The following AOPEP variants were observed in gnomAD, a reference collection of about 807,000 sequenced individuals.
AOPEP encodes the protein aminopeptidase O (putative).
A neutral mutation model predicts 98.1 loss-of-function variants in AOPEP; 77 were observed. The observed-to-expected ratio is 0.78, with a 90% CI of 0.65 to 0.95. The LOEUF (loss-of-function observed/expected upper bound fraction) is 0.95, where lower values mean the gene tolerates loss of function less well. AOPEP is among the 40% of genes least tolerant of loss of function. The pLI, the probability that AOPEP is intolerant of heterozygous loss-of-function variation, is 0.00. For synonymous variants in AOPEP, 346 were observed against 365.3 expected (o/e 0.95, Z 0.60); for missense variants, 1,024 against 1,024.7 (o/e 1.00, Z 0.01).
chr9:94,951,520 G>C (rs1299055259), intron 7 of AOPEP, among the ~76,000 whole-genome samples: 1 of 152,220 alleles, frequency 6.6e-6, no homozygotes, highest in African/African-American at 2.4e-5. Context: ...TATGAGGGAA[G>C]AGGGTGTGAT....
At chr9:95,093,946 G>A in the AOPEP span, among the ~76,000 whole-genome samples, 6 of 152,220 alleles carry the variant, frequency 3.9e-5, no homozygotes, top group Admixed American at 2.0e-4. Context: ...AGCTGACTTT[G>A]TTGGGTCAGT....
At chr9:94,745,666 G>A (rs1444302759) in intron 1 of AOPEP, among the ~76,000 whole-genome samples, 1 of 152,064 alleles carries the variant, frequency 6.6e-6, no homozygotes, top group Non-Finnish European at 1.5e-5. Flanking sequence ...AATGTTCTCC[G>A]TTTCCATCCA....
At chr9:95,104,267 A>G in the AOPEP span, among the ~76,000 whole-genome samples, 1 of 152,232 alleles carries the variant, frequency 6.6e-6, no homozygotes, top group Non-Finnish European at 1.5e-5. Flanking sequence ...AAAACATCCG[A>G]AAGGACAGCC....
chr9:94,906,455 A>AAAT (rs5741511), intron 5 of AOPEP, among the ~76,000 whole-genome samples: 1,572 of 114,298 alleles, frequency 0.014, 35 homozygotes, highest in African/African-American at 0.039. Context: ...ACCCTGTCTG[A>AAAT]AATAATAATA....
chr9:94,911,913 A>T (rs1322704591), intron 5 of AOPEP, among the ~76,000 whole-genome samples: 2 of 152,136 alleles, frequency 1.3e-5, no homozygotes, highest in Non-Finnish European at 2.9e-5. Flanking sequence ...AGCTTGTTGG[A>T]TACAAACTGT....
chr9:94,996,997 G>C (rs2061287207), intron 11 of AOPEP, among the ~76,000 whole-genome samples: 1 of 152,152 alleles, frequency 6.6e-6, no homozygotes, highest in African/African-American at 2.4e-5. Flanking sequence ...GCAGCCCTCA[G>C]CATAATTAGA....
chr9:94,781,149 G>A (rs1375868309), intron 3 of AOPEP, among the ~76,000 whole-genome samples: 2 of 151,736 alleles, frequency 1.3e-5, no homozygotes, highest in Non-Finnish European at 2.9e-5. Context: ...AACTTGCTTG[G>A]CTCTTTTATT....
At chr9:94,890,624 A>G (rs529123280) in intron 5 of AOPEP, among the ~76,000 whole-genome samples, 1 of 152,192 alleles carries the variant, frequency 6.6e-6, no homozygotes, top group South Asian at 2.1e-4. Context: ...CAGCAGTTCT[A>G]TACATTCGCT....
At chr9:94,964,635 C>CTTTTT (rs1240777817) in intron 9 of AOPEP, among the ~76,000 whole-genome samples, 3 of 122,614 alleles carry the variant, frequency 2.4e-5, no homozygotes, top group Non-Finnish European at 3.4e-5. Context: ...AGTACTTGGA[C>CTTTTT]TTTTTTTTTT....
chr9:94,777,824 A>G (rs1384432037), intron 3 of AOPEP, among the ~76,000 whole-genome samples: 3 of 151,760 alleles, frequency 2.0e-5, no homozygotes, highest in Admixed American at 1.3e-4. Flanking sequence ...GGGTTTCACC[A>G]TGTTTACCAG....
intron 2 of AOPEP, among the ~76,000 whole-genome samples, chr9:94,772,060 A>C (rs1035210321): frequency 2.0e-5 from 3 of 152,246 alleles, no homozygotes; most frequent in Non-Finnish European, 2.9e-5. Flanking sequence ...GATGTTAATG[A>C]AAAAAGAAAA....
At chr9:95,086,176 G>T (rs1192382920) in intron 16 of AOPEP, 1 of 1,322,490 alleles carries the variant, frequency 7.6e-7, no homozygotes, top group East Asian at 5.1e-5. Flanking sequence ...ACAGGCCCGC[G>T]TCCACCCTGC....
At chr9:95,072,870 G>C (rs2068650850) in intron 14 of AOPEP, among the ~76,000 whole-genome samples, 1 of 152,214 alleles carries the variant, frequency 6.6e-6, no homozygotes, top group South Asian at 2.1e-4. Context: ...AGCATTGCAG[G>C]AAGTCAGAAG....
chr9:94,739,059 A>G (rs1832460566), intron 1 of AOPEP, among the ~76,000 whole-genome samples: 1 of 152,178 alleles, frequency 6.6e-6, no homozygotes, highest in African/African-American at 2.4e-5. Flanking sequence ...CTCATGACCA[A>G]AACTACGTCT....
intron 5 of AOPEP, among the ~76,000 whole-genome samples, chr9:94,846,002 G>A (rs1197627537): frequency 6.6e-6 from 1 of 151,994 alleles, no homozygotes; most frequent in Non-Finnish European, 1.5e-5. Flanking sequence ...GGCTGAAGCA[G>A]GAGAATCACA....
chr9:95,086,708 TC>T lies in AOPEP; in HGVS notation c.*32del, dbSNP rs1331195366. 9.1e-6 allele frequency: 9 copies of T among 988,168 alleles called. No homozygotes were observed. The highest frequency in any genetic ancestry group is 1.1e-5 in the Non-Finnish European group (9 of 830,492). 61.2% of individuals were successfully genotyped at this position (988,168 alleles called of 1,614,324 possible). On this transcript the variant is annotated 3_prime_UTR_variant, in exon 17 of 17. Coordinates refer to ENST00000375315, the MANE Select transcript of AOPEP (RefSeq NM_001193329.3). Reference sequence around the variant, plus strand: ...AAAGACCACAGCAAGATTCTTTCATTCGTCTCCTCCTAGCCTGGGGGACCAG... The same window carrying T: ...AAAGACCACAGCAAGATTCTTTCATTGTCTCCTCCTAGCCTGGGGGACCAG...
At chr9:95,109,348 G>A in the AOPEP span, among the ~76,000 whole-genome samples, 2 of 152,122 alleles carry the variant, frequency 1.3e-5, no homozygotes, top group Non-Finnish European at 2.9e-5. Flanking sequence ...ATGCTGTGCT[G>A]AATATTCTTA....
intron 10 of AOPEP, among the ~76,000 whole-genome samples, chr9:94,973,128 C>T (rs891892479): frequency 6.6e-6 from 1 of 152,208 alleles, no homozygotes; most frequent in African/African-American, 2.4e-5. Flanking sequence ...TCTGGCTGCA[C>T]TTCCCAATTC....
intron 5 of AOPEP, among the ~76,000 whole-genome samples, chr9:94,822,629 C>T (rs1853504509): frequency 6.6e-6 from 1 of 152,148 alleles, no homozygotes; most frequent in African/African-American, 2.4e-5. Context: ...ATCTCAGTTG[C>T]TTTCTGCTGG....
Sources: gnomAD v4.1 joint callset for allele counts (sites outside exome capture counted in the v4.1 genomes callset) on GRCh38, gnomAD v4.1.1 for gene constraint, MANE v1.5 for transcripts, NCBI Gene and HGNC (gene_info 2026-07-23, HGNC 2026-07-21) for gene names.